Variants in FMNL2 observed in about 807,000 individuals in gnomAD.
FMNL2 encodes formin-like protein 2.
FMNL2 carries 51 observed loss-of-function variants against 130.2 expected under a neutral mutation model. That is an observed-to-expected ratio of 0.39 (90% confidence interval 0.31 to 0.49). The LOEUF is 0.49. Ranked by LOEUF, FMNL2 falls within the 20% of genes least tolerant of loss-of-function variation. FMNL2 has a pLI of 0.85. For missense variants in FMNL2, 977 were observed against 1,316.2 expected, an observed-to-expected ratio of 0.74 and a Z score of 3.99; for synonymous variants, 465 against 467.1, an observed-to-expected ratio of 1.00 and a Z score of 0.06.
At chr2:152,633,497 C>T (rs1042680893) in intron 21 of FMNL2, among the ~76,000 whole-genome samples, 3 of 152,140 alleles carry the variant, frequency 2.0e-5, no homozygotes, top group African/African-American at 7.2e-5. Context: ...AACAAGTGAA[C>T]AAATGAATGA....
intron 20 of FMNL2, among the ~76,000 whole-genome samples, chr2:152,631,157 G>C (rs548704921): frequency 6.6e-6 from 1 of 151,872 alleles, no homozygotes; most frequent in African/African-American, 2.4e-5. Flanking sequence ...AGGCTGAGGC[G>C]GGAGGATCAC....
At chr2:152,351,391 C>T (rs1682474484) in intron 1 of FMNL2, among the ~76,000 whole-genome samples, 1 of 152,124 alleles carries the variant, frequency 6.6e-6, no homozygotes, top group Non-Finnish European at 1.5e-5. Context: ...GTGACGTTCC[C>T]CTCCCGGTGT....
chr2:152,420,231 A>G (rs747347899), intron 1 of FMNL2, among the ~76,000 whole-genome samples: 6 of 152,212 alleles, frequency 3.9e-5, no homozygotes, highest in Admixed American at 1.3e-4. Context: ...TTGTGAAAAG[A>G]CGAATTTGGT....
intron 1 of FMNL2, among the ~76,000 whole-genome samples, chr2:152,412,460 A>T (rs1178891101): frequency 7.4e-4 from 6 of 8,088 alleles, no homozygotes; most frequent in Admixed American, 1.9e-3. Context: ...ATATATATAT[A>T]TATATATATA....
chr2:152,425,248 C>A (rs1052886649), intron 1 of FMNL2, among the ~76,000 whole-genome samples: 4 of 152,092 alleles, frequency 2.6e-5, no homozygotes, highest in Admixed American at 2.0e-4. Flanking sequence ...ATAGACGGGT[C>A]TATGAGATCT....
At chr2:152,572,136 C>A (rs147598197) in intron 6 of FMNL2, among the ~76,000 whole-genome samples, 201 of 152,306 alleles carry the variant, frequency 1.3e-3, no homozygotes, top group Non-Finnish European at 2.2e-3. Context: ...TCACAGAAAT[C>A]TGCAAATGTG....
At chr2:152,622,079 G>C (rs889726422) in intron 15 of FMNL2, among the ~76,000 whole-genome samples, 91 of 152,182 alleles carry the variant, frequency 6.0e-4, no homozygotes, top group African/African-American at 2.1e-3. Flanking sequence ...GAAGAAGAAG[G>C]CTTCCTTCCT....
chr2:152,551,625 A>G, intron 4 of FMNL2, among the ~76,000 whole-genome samples: 1 of 152,238 alleles, frequency 6.6e-6, no homozygotes, highest in Non-Finnish European at 1.5e-5. Flanking sequence ...CTCAATAATG[A>G]TGAAAATAAT....
intron 1 of FMNL2, among the ~76,000 whole-genome samples, chr2:152,444,110 A>G (rs1376568491): frequency 6.6e-6 from 1 of 152,128 alleles, no homozygotes; most frequent in East Asian, 1.9e-4. Flanking sequence ...ACAGAAACTG[A>G]CTATTTAAGC....
At chr2:152,375,877 C>CTCTCTCTCTCTATA (rs796954245) in intron 1 of FMNL2, among the ~76,000 whole-genome samples, 133 of 112,462 alleles carry the variant, frequency 1.2e-3, no homozygotes, top group Admixed American at 9.3e-3. Flanking sequence ...CTCTCTCTCT[C>CTCTCTCTCTCTATA]TATATATATA....
chr2:152,550,037 T>A (rs1188739933), intron 4 of FMNL2, among the ~76,000 whole-genome samples: 1 of 152,230 alleles, frequency 6.6e-6, no homozygotes, highest in Non-Finnish European at 1.5e-5. Flanking sequence ...CAGTAAGTTC[T>A]GTCTCGTTGA....
In FMNL2 at chr2:152,628,505, T is replaced by A; in HGVS notation, c.2372T>A (p.Phe791Tyr). 6.2e-7 allele frequency: 1 copy of A among 1,614,032 alleles called. No homozygotes were observed. Among genetic ancestry groups the A allele is most frequent in the Non-Finnish European group, 8.5e-7 (1 of 1,179,884 alleles). The change falls in exon 18 of 26, where the codon TTT becomes TAT. Residue 791 changes from phenylalanine (F) to tyrosine (Y), a missense_variant. By Grantham distance (22) the Phe-to-Tyr change is conservative. Transcript: ENST00000288670. ...KMTIMAFIGN[F>Y]AESIQMLTPQ... The stretch of plus-strand genomic sequence containing the variant: ...ACCATCATGGCCTTCATTGGGAACT[T>A]TGCTGAAAGCATTCAGATGCTGACT...
chr2:152,359,709 G>T (rs1199436095), intron 1 of FMNL2, among the ~76,000 whole-genome samples: 1 of 152,106 alleles, frequency 6.6e-6, no homozygotes, highest in Non-Finnish European at 1.5e-5. Flanking sequence ...CAAAGCCATT[G>T]AGCAATTTTG....
chr2:152,519,641 CTT>C (rs1228239248), intron 1 of FMNL2, among the ~76,000 whole-genome samples: 4 of 152,302 alleles, frequency 2.6e-5, no homozygotes, highest in African/African-American at 4.8e-5. Flanking sequence ...TAGGTCCTGT[CTT>C]TGTTCCTGTA....
At chr2:152,427,040 C>T (rs1276857718) in intron 1 of FMNL2, among the ~76,000 whole-genome samples, 1 of 152,210 alleles carries the variant, frequency 6.6e-6, no homozygotes, top group Non-Finnish European at 1.5e-5. Flanking sequence ...ACAAAATCCT[C>T]TTCCAACTCC....
chr2:152,601,521 G>C (rs534355087), intron 9 of FMNL2, among the ~76,000 whole-genome samples: 6 of 151,104 alleles, frequency 4.0e-5, no homozygotes, highest in Non-Finnish European at 8.9e-5. Context: ...GGCTAGTCTC[G>C]AACTCCTGAC....
chr2:152,383,627 T>A (rs1684621042), intron 1 of FMNL2, among the ~76,000 whole-genome samples: 1 of 152,134 alleles, frequency 6.6e-6, no homozygotes, highest in Admixed American at 6.6e-5. Flanking sequence ...ATGGCATAAT[T>A]ATAATAATAT....
intron 1 of FMNL2, among the ~76,000 whole-genome samples, chr2:152,464,336 C>A (rs541866089): frequency 6.6e-6 from 1 of 152,308 alleles, no homozygotes; most frequent in South Asian, 2.1e-4. Context: ...TTCTTAACTC[C>A]TTTGGCTGGC....
intron 1 of FMNL2, among the ~76,000 whole-genome samples, chr2:152,419,944 A>T (rs1274746430): frequency 6.6e-6 from 1 of 152,242 alleles, no homozygotes. Flanking sequence ...GAGACAGCAA[A>T]ATCATCCAAT....
Sources: allele counts gnomAD v4.1 joint callset (sites outside exome capture counted in the v4.1 genomes callset), GRCh38; gene constraint gnomAD v4.1.1; transcripts MANE v1.5; gene names NCBI Gene and HGNC (gene_info 2026-07-23, HGNC 2026-07-21).